The following MYO1H variants were observed in gnomAD, a reference collection of about 807,000 sequenced individuals.
The protein encoded by MYO1H is myosin IH.
A neutral mutation model predicts 149.3 loss-of-function variants in MYO1H; 118 were observed. The ratio of observed to expected loss-of-function variants is 0.79; its 90% CI spans 0.68 to 0.92. The LOEUF (loss-of-function observed/expected upper bound fraction) is 0.92. Among genes scored for constraint, MYO1H ranks in the 40% least tolerant of loss-of-function variants. The pLI, the probability that MYO1H is intolerant of heterozygous loss-of-function variation, is 0.00. For synonymous variants in MYO1H, 447 were observed against 465.2 expected (o/e 0.96, Z 0.50); for missense variants, 1,212 against 1,280.7 (o/e 0.95, Z 0.82).
intron 21 of MYO1H, among the ~76,000 whole-genome samples, chr12:109,435,567 GTC>G (rs1871825247): frequency 6.6e-6 from 1 of 152,154 alleles, no homozygotes; most frequent in Non-Finnish European, 1.5e-5. Flanking sequence ...GGGAGGGAGC[GTC>G]TCTTTTGAAA....
chr12:109,331,640 T>G, the MYO1H span, among the ~76,000 whole-genome samples: 3 of 152,196 alleles, frequency 2.0e-5, no homozygotes, highest in Non-Finnish European at 4.4e-5. Context: ...TCAGGGACAC[T>G]TTTTAGACCT....
At chr12:109,369,707 T>G (rs1249462526) in intron 1 of MYO1H, among the ~76,000 whole-genome samples, 1 of 152,238 alleles carries the variant, frequency 6.6e-6, no homozygotes, top group Non-Finnish European at 1.5e-5. Flanking sequence ...TGTCTTTGCC[T>G]ATGCATTGGC....
intron 1 of MYO1H, among the ~76,000 whole-genome samples, chr12:109,358,146 C>A (rs1005425954): frequency 6.6e-6 from 1 of 151,434 alleles, no homozygotes; most frequent in African/African-American, 2.4e-5. Flanking sequence ...GCTCGATGAC[C>A]AGAGGCAGTT....
At chr12:109,322,112 A>G in the MYO1H span, among the ~76,000 whole-genome samples, 1 of 152,108 alleles carries the variant, frequency 6.6e-6, no homozygotes, top group African/African-American at 2.4e-5. Context: ...GGCTCTCTTT[A>G]TGGTCTTTAA....
At chr12:109,425,874 T>G in intron 17 of MYO1H, 72 bp from the exon 18 acceptor site, 1 of 1,123,300 alleles carries the variant, frequency 8.9e-7, no homozygotes, top group South Asian at 1.3e-5. Flanking sequence ...CCCTGGCCAG[T>G]CTTTTTGTAT....
chr12:109,391,634 G>A (rs892974687), intron 2 of MYO1H, among the ~76,000 whole-genome samples: 5 of 152,144 alleles, frequency 3.3e-5, no homozygotes, highest in African/African-American at 1.2e-4. Context: ...TTGAGGAATC[G>A]CCACACTGTT....
intron 1 of MYO1H, among the ~76,000 whole-genome samples, chr12:109,365,481 TCTG>T (rs1271761834): frequency 1.3e-5 from 2 of 152,174 alleles, no homozygotes; most frequent in African/African-American, 4.8e-5. Flanking sequence ...GTCTCTTTCT[TCTG>T]GTACTTTTCC....
chr12:109,407,222 C>T (rs936226066), intron 9 of MYO1H, among the ~76,000 whole-genome samples: 4 of 152,144 alleles, frequency 2.6e-5, no homozygotes, highest in African/African-American at 4.8e-5. Context: ...CCCACCTCTA[C>T]GTCAAAGCAC....
chr12:109,427,314 C>T (rs1419343896), intron 18 of MYO1H, among the ~76,000 whole-genome samples, 155 bp from the exon 19 acceptor site: 1 of 95,366 alleles, frequency 1.0e-5, no homozygotes, highest in Non-Finnish European at 2.0e-5. Context: ...GAAACCCCAT[C>T]TCAAAAAAAA....
chr12:109,447,202 T>C (rs891438105), exon 32 of MYO1H: 2 of 1,588,926 alleles, frequency 1.3e-6, no homozygotes. Context: ...ACGTCTGACC[T>C]CTACCATCGC....
chr12:109,407,630 A>G (rs1257169451), intron 9 of MYO1H, among the ~76,000 whole-genome samples, 164 bp from the exon 10 acceptor site: 1 of 149,288 alleles, frequency 6.7e-6, no homozygotes, highest in African/African-American at 2.5e-5. Flanking sequence ...AAAGCGAGGC[A>G]TGGTGGTGGG....
chr12:109,410,667 C>T, intron 12 of MYO1H, 21 bp from the exon 13 acceptor site: 1 of 1,541,906 alleles, frequency 6.5e-7, no homozygotes. Context: ...TTGGAGAATT[C>T]ATTCCTCTTT....
At chr12:109,319,428 A>G in the MYO1H span, among the ~76,000 whole-genome samples, 1 of 152,208 alleles carries the variant, frequency 6.6e-6, no homozygotes, top group Non-Finnish European at 1.5e-5. Context: ...GGGAAGGGAA[A>G]AAATGGGAGT....
chr12:109,333,360 G>T, the MYO1H span, among the ~76,000 whole-genome samples: 1 of 151,926 alleles, frequency 6.6e-6, no homozygotes, highest in Non-Finnish European at 1.5e-5. Flanking sequence ...GCCTGAGGGA[G>T]CTTATGTTGC....
At chr12:109,345,328 T>C (rs1034220571), upstream of MYO1H, among the ~76,000 whole-genome samples, 5 of 152,172 alleles carry the variant, frequency 3.3e-5, no homozygotes, top group African/African-American at 1.2e-4. Flanking sequence ...AAAAAAGGTA[T>C]AGAAATGGCA....
chr12:109,443,150 G>T (rs117611944), intron 27 of MYO1H, among the ~76,000 whole-genome samples: 6,173 of 66,498 alleles, frequency 0.093, 1,835 homozygotes, highest in Non-Finnish European at 0.13. Flanking sequence ...ATATGTGTAC[G>T]TATGTGTGTG....
intron 2 of MYO1H, among the ~76,000 whole-genome samples, chr12:109,391,550 A>G (rs1363047297): frequency 1.3e-5 from 2 of 152,164 alleles, no homozygotes; most frequent in Non-Finnish European, 2.9e-5. Context: ...ACACGTGTAC[A>G]TGTATCTTTA....
chr12:109,442,354 G>T, intron 27 of MYO1H, 82 bp downstream of exon 27: 1 of 1,247,854 alleles, frequency 8.0e-7, no homozygotes, highest in Non-Finnish European at 1.2e-6. Flanking sequence ...CATAAAGGGC[G>T]CACTATTTAA....
the MYO1H span, among the ~76,000 whole-genome samples, chr12:109,325,023 C>T: frequency 1.3e-5 from 2 of 152,206 alleles, no homozygotes; most frequent in Non-Finnish European, 2.9e-5. Context: ...CTTCCAGCCT[C>T]ATCCATGTCC....
Sources: gnomAD v4.1 joint callset for allele counts (sites outside exome capture counted in the v4.1 genomes callset) on GRCh38, gnomAD v4.1.1 for gene constraint, MANE v1.5 for transcripts, NCBI Gene and HGNC (gene_info 2026-07-23, HGNC 2026-07-21) for gene names.